Variants in BCKDHB observed in about 807,000 individuals in gnomAD.
The protein encoded by BCKDHB is branched chain keto acid dehydrogenase E1 subunit beta, also known as 2-oxoisovalerate dehydrogenase subunit beta, mitochondrial.
In BCKDHB, 41 loss-of-function variants were observed where a neutral mutation model predicts 48.5. That is an observed-to-expected ratio of 0.85 (90% CI 0.66 to 1.10). The LOEUF is 1.10. BCKDHB is among the 50% of genes least tolerant of loss of function. The pLI, the probability that BCKDHB is intolerant of heterozygous loss-of-function variation, is 0.00. For missense variants in BCKDHB, 496 were observed against 494.2 expected (o/e 1.00, Z -0.03); for synonymous variants, 201 against 174.8 (o/e 1.15, Z -1.18).
chr6:80,427,631 T>G, the BCKDHB span, among the ~76,000 whole-genome samples: 1 of 152,192 alleles, frequency 6.6e-6, no homozygotes, highest in Non-Finnish European at 1.5e-5. Context: ...TTTTTGTGCC[T>G]GACTGATGAC....
the BCKDHB span, among the ~76,000 whole-genome samples, chr6:80,419,354 C>T: frequency 6.6e-6 from 1 of 152,242 alleles, no homozygotes; most frequent in East Asian, 1.9e-4. Context: ...TCCCAGAGCA[C>T]CTGAGACTGA....
chr6:80,294,604 G>A (rs554337959), intron 9 of BCKDHB, among the ~76,000 whole-genome samples: 10 of 152,130 alleles, frequency 6.6e-5, no homozygotes, highest in Non-Finnish European at 1.5e-4. Context: ...TGCATTCCTG[G>A]GGGAGGTCTA....
intron 2 of BCKDHB, among the ~76,000 whole-genome samples, chr6:80,128,052 T>C (rs1770434389): frequency 6.6e-6 from 1 of 151,984 alleles, no homozygotes; most frequent in Admixed American, 6.6e-5. Context: ...TATAATTTTA[T>C]AAGTATCTTA....
chr6:80,110,532 A>T (rs1296324992), intron 1 of BCKDHB, among the ~76,000 whole-genome samples: 1 of 152,024 alleles, frequency 6.6e-6, no homozygotes, highest in Non-Finnish European at 1.5e-5. Context: ...TATCCTGAAA[A>T]CCCTGAGGGA....
At chr6:80,379,125 A>G in the BCKDHB span, among the ~76,000 whole-genome samples, 1 of 152,024 alleles carries the variant, frequency 6.6e-6, no homozygotes, top group Non-Finnish European at 1.5e-5. Flanking sequence ...GAAAAATCAG[A>G]TAAGGACACA....
chr6:80,236,867 T>G (rs544993998), intron 8 of BCKDHB, among the ~76,000 whole-genome samples: 1 of 152,348 alleles, frequency 6.6e-6, no homozygotes, highest in South Asian at 2.1e-4. Flanking sequence ...TACAGAATTT[T>G]GCAGAGGAAT....
chr6:80,415,079 T>C, the BCKDHB span, among the ~76,000 whole-genome samples: 2 of 152,086 alleles, frequency 1.3e-5, no homozygotes, highest in African/African-American at 4.8e-5. Flanking sequence ...TTCTTGTGTT[T>C]GTTTAGAAAT....
At chr6:80,162,899 C>T (rs749617133) in intron 3 of BCKDHB, among the ~76,000 whole-genome samples, 1 of 151,846 alleles carries the variant, frequency 6.6e-6, no homozygotes, top group African/African-American at 2.4e-5. Context: ...CCTCTAGTGA[C>T]TGCTCCCTTT....
the BCKDHB span, among the ~76,000 whole-genome samples, chr6:80,400,958 G>T: frequency 2.0e-5 from 3 of 151,802 alleles, no homozygotes; most frequent in African/African-American, 7.3e-5. Flanking sequence ...GCAAACTAAT[G>T]CAGGAACACA....
chr6:80,304,487 C>T (rs1232272803), intron 9 of BCKDHB, among the ~76,000 whole-genome samples: 4 of 152,046 alleles, frequency 2.6e-5, no homozygotes, highest in Non-Finnish European at 5.9e-5. Context: ...CTTATTTTTC[C>T]TTAATGATAG....
chr6:80,200,437 A>G (rs182056904), intron 6 of BCKDHB, among the ~76,000 whole-genome samples: 2 of 152,308 alleles, frequency 1.3e-5, no homozygotes, highest in East Asian at 1.9e-4. Flanking sequence ...TAAATTTGCT[A>G]CTTTCTAGAA....
At chr6:80,261,950 A>C (rs973106636) in intron 8 of BCKDHB, among the ~76,000 whole-genome samples, 3 of 152,064 alleles carry the variant, frequency 2.0e-5, no homozygotes, top group Admixed American at 2.0e-4. Flanking sequence ...CCATAACCAG[A>C]AGGTGGGGTT....
intron 9 of BCKDHB, among the ~76,000 whole-genome samples, chr6:80,285,633 A>C (rs539467494): frequency 6.6e-6 from 1 of 152,134 alleles, no homozygotes; most frequent in Admixed American, 6.6e-5. Context: ...AGTGTCCTCC[A>C]TGCCAGTCTT....
intron 6 of BCKDHB, among the ~76,000 whole-genome samples, chr6:80,183,278 A>G (rs1467460093): frequency 1.3e-5 from 2 of 152,266 alleles, no homozygotes; most frequent in South Asian, 2.1e-4. Context: ...TCATTACCAC[A>G]GGTACTGTGG....
intron 9 of BCKDHB, among the ~76,000 whole-genome samples, chr6:80,307,002 G>A (rs1207463244): frequency 6.6e-6 from 1 of 152,138 alleles, no homozygotes; most frequent in African/African-American, 2.4e-5. Context: ...GCATATCCCA[G>A]ATATGTTCCT....
At chr6:80,208,970 C>T (rs1054720197) in intron 8 of BCKDHB, among the ~76,000 whole-genome samples, 20 of 151,778 alleles carry the variant, frequency 1.3e-4, no homozygotes, top group Non-Finnish European at 1.3e-4. Context: ...AAATTATAGA[C>T]AGCTTTTAAA....
intron 8 of BCKDHB, among the ~76,000 whole-genome samples, chr6:80,242,315 G>A (rs1562168036): frequency 1.3e-5 from 2 of 152,034 alleles, no homozygotes; most frequent in Admixed American, 1.3e-4. Flanking sequence ...TGTACACGTG[G>A]ATTTGTTCAT....
intron 3 of BCKDHB, among the ~76,000 whole-genome samples, chr6:80,150,550 C>CTT (rs758701261): frequency 0.021 from 2,222 of 105,362 alleles, 32 homozygotes; most frequent in Non-Finnish European, 0.028. Context: ...AGTTTGTCAT[C>CTT]TTTTTTTTTT....
intron 3 of BCKDHB, among the ~76,000 whole-genome samples, chr6:80,131,304 C>T (rs953074538): frequency 6.6e-6 from 1 of 152,222 alleles, no homozygotes; most frequent in South Asian, 2.1e-4. Context: ...CTGCTACATG[C>T]ACCCAGCAAA....
Sources: gnomAD v4.1 joint callset for allele counts (sites outside exome capture counted in the v4.1 genomes callset) on GRCh38, gnomAD v4.1.1 for gene constraint, MANE v1.5 for transcripts, NCBI Gene and HGNC (gene_info 2026-07-23, HGNC 2026-07-21) for gene names.